The following ACSF3 variants were observed in gnomAD, a reference collection of about 807,000 sequenced individuals.
The protein encoded by ACSF3 is acyl-CoA synthetase family member 3.
A neutral mutation model predicts 53.2 loss-of-function variants in ACSF3; 78 were observed. The observed-to-expected ratio is 1.47, with a 90% CI of 1.22 to 1.77. The LOEUF (loss-of-function observed/expected upper bound fraction) is 1.77, where lower values mean the gene tolerates loss of function less well. ACSF3 is among the 40% of genes most tolerant of loss of function. The pLI is 0.00. For missense variants in ACSF3, 937 were observed against 771.1 expected, an observed-to-expected ratio of 1.22 and a Z score of -2.55; for synonymous variants, 414 against 333.1, an observed-to-expected ratio of 1.24 and a Z score of -2.65.
chr16:89,154,014 G>T, intron 10 of ACSF3, 76 bp from the exon 11 acceptor site: 1 of 1,482,544 alleles, frequency 6.7e-7, no homozygotes. Context: ...GCACCTGTCC[G>T]TACTGCTGGG....
rs552894451 is a variant in ACSF3 at position 89,100,737 on chromosome 16, G to A, written c.56G>A (p.Cys19Tyr). 9.3e-6 allele frequency: 15 copies of A among 1,605,142 alleles called. No homozygotes were observed. The African/African-American group carries it at 1.9e-4, about 20-fold the overall frequency. The change falls in exon 3 of 11, where the codon TGC (cysteine) becomes TAC (tyrosine). Residue 19 changes from cysteine to tyrosine, a missense_variant. Physicochemically the swap from Cys to Tyr is radical, Grantham distance 194. Coordinates refer to ENST00000614302, the MANE Select transcript of ACSF3 (RefSeq NM_001243279.3). ...FRRLGCALAS[C>Y]RLAPARHRGS... ...CGCCTGGGCTGCGCCTTGGCGTCCTGCCGGCTGGCGCCTGCGAGACACAGA... is the reference window on the plus strand; with the variant it reads ...CGCCTGGGCTGCGCCTTGGCGTCCTACCGGCTGGCGCCTGCGAGACACAGA...
intron 8 of ACSF3, among the ~76,000 whole-genome samples, chr16:89,139,834 C>G (rs1205105980): frequency 1.3e-5 from 2 of 152,044 alleles, no homozygotes; most frequent in Non-Finnish European, 2.9e-5. Context: ...ACCTCGTGAT[C>G]TCCCCACCTC....
chr16:89,136,816 A>G (rs1345664243), intron 8 of ACSF3: 3 of 1,286,476 alleles, frequency 2.3e-6, no homozygotes, highest in Admixed American at 4.6e-5. Context: ...GGAGATGGCA[A>G]AGGTCTGTTT....
chr16:89,145,868 C>T, intron 9 of ACSF3, 70 bp from the exon 10 acceptor site: 1 of 1,333,848 alleles, frequency 7.5e-7, no homozygotes. Context: ...TCCTGTGTGT[C>T]CAGGCACTCT....
intron 8 of ACSF3, among the ~76,000 whole-genome samples, chr16:89,137,842 A>C (rs374707648): frequency 2.6e-5 from 4 of 152,230 alleles, no homozygotes; most frequent in African/African-American, 7.2e-5. Context: ...CCACGTGCTC[A>C]TGGGCACCAC....
chr16:89,100,738 C>T lies in ACSF3; in HGVS notation c.57C>T (p.Cys19=), dbSNP rs1173665484. The T allele has an allele frequency of 3.1e-6, 5 of 1,605,186 alleles. No individual in the cohort carries two copies. Among genetic ancestry groups the T allele is most frequent in the Non-Finnish European group, 4.2e-6 (5 of 1,179,734 alleles). Residue 19 remains cysteine (C), a synonymous_variant, in exon 3 of 11, where the codon TGC becomes TGT. Coordinates refer to ENST00000614302, the MANE Select transcript of ACSF3 (RefSeq NM_001243279.3). ...GCCTGGGCTGCGCCTTGGCGTCCTG[C>T]CGGCTGGCGCCTGCGAGACACAGAG... ...FRRLGCALAS[C]RLAPARHRGS...
chr16:89,115,339 C>G (rs1488624110), intron 6 of ACSF3: 1 of 152,452 alleles, frequency 6.6e-6, no homozygotes, highest in South Asian at 2.1e-4. Context: ...CCTCCACCCC[C>G]GAGGCCTGGC....
chr16:89,140,012 C>G (rs1369697744), intron 8 of ACSF3, among the ~76,000 whole-genome samples: 1 of 152,186 alleles, frequency 6.6e-6, no homozygotes, highest in East Asian at 1.9e-4. Flanking sequence ...AGCGCTGAGC[C>G]CAGGTCAGGG....
intron 7 of ACSF3, among the ~76,000 whole-genome samples, chr16:89,130,405 C>T (rs1909039003): frequency 6.6e-6 from 1 of 152,110 alleles, no homozygotes; most frequent in Admixed American, 6.5e-5. Flanking sequence ...GAAACCCTGT[C>T]TCTACTAAAA....
intron 1 of ACSF3, among the ~76,000 whole-genome samples, 195 bp downstream of exon 1, chr16:89,094,191 G>C (rs941462112): frequency 2.6e-5 from 4 of 151,996 alleles, no homozygotes; most frequent in Non-Finnish European, 5.9e-5. Flanking sequence ...GTCCGGTGGG[G>C]AGCGGGGCCC....
intron 8 of ACSF3, among the ~76,000 whole-genome samples, chr16:89,140,223 G>C (rs759377795): frequency 1.3e-5 from 2 of 152,194 alleles, no homozygotes; most frequent in Non-Finnish European, 2.9e-5. Flanking sequence ...CTTCCCCACT[G>C]CCCCTCTGAG....
At chr16:89,095,791 A>G (rs747706915) in intron 1 of ACSF3, among the ~76,000 whole-genome samples, 9 of 152,118 alleles carry the variant, frequency 5.9e-5, no homozygotes, top group Non-Finnish European at 1.2e-4. Flanking sequence ...GGCCATTCGT[A>G]CATTCTCACG....
chr16:89,152,184 C>G (rs1374965388), intron 10 of ACSF3: 1 of 152,302 alleles, frequency 6.6e-6, no homozygotes, highest in Non-Finnish European at 1.5e-5. Context: ...CTGTTAGAAA[C>G]CGAGACGTTG....
intron 4 of ACSF3, among the ~76,000 whole-genome samples, chr16:89,107,286 C>G (rs938779761): frequency 6.6e-6 from 1 of 152,186 alleles, no homozygotes; most frequent in Non-Finnish European, 1.5e-5. Flanking sequence ...TGGATGAATT[C>G]CAAGAAAGAC....
intron 4 of ACSF3, among the ~76,000 whole-genome samples, chr16:89,108,989 T>C (rs1241755586): frequency 1.3e-5 from 2 of 151,960 alleles, no homozygotes; most frequent in Non-Finnish European, 2.9e-5. Context: ...TCCTAGCACT[T>C]TGGGAGGCCG....
At chr16:89,111,885 C>G (rs1227039278) in intron 4 of ACSF3, among the ~76,000 whole-genome samples, 1 of 152,266 alleles carries the variant, frequency 6.6e-6, no homozygotes, top group Non-Finnish European at 1.5e-5. Flanking sequence ...TTCACGATTG[C>G]TCTTCCCCTC....
At position 89,101,085 on chromosome 16, in the gene ACSF3, A is replaced by C. The variant is rs1411372849; in HGVS notation, c.404A>C (p.Glu135Ala). 6.2e-7 allele frequency: 1 copy of C among 1,614,016 alleles called. No homozygotes were observed. The highest frequency in any genetic ancestry group is 8.5e-7 in the Non-Finnish European group (1 of 1,180,002). Residue 135 changes from glutamate (E) to alanine (A), a missense_variant, in exon 3 of 11, where the codon GAG (glutamate) becomes GCG (alanine). Coordinates refer to ENST00000614302, the MANE Select transcript of ACSF3 (RefSeq NM_001243279.3). Reference protein sequence around the residue: ...LYRKHPAAQLEYVICDSQSSV... With the variant: ...LYRKHPAAQLAYVICDSQSSV... ...AGGAAGCATCCCGCGGCCCAGCTGG[A>C]GTATGTCATCTGCGACTCCCAGAGC...
intron 6 of ACSF3, 30 bp from the exon 7 acceptor site, chr16:89,120,771 C>G (rs370786228): frequency 1.2e-6 from 2 of 1,602,564 alleles, no homozygotes; most frequent in Non-Finnish European, 1.7e-6. Flanking sequence ...TCACTCCAGC[C>G]TCCCCTTCAG....
In ACSF3 at chr16:89,145,924, T is replaced by C; in HGVS notation, c.1502-14T>C. On this transcript the variant is annotated splice_polypyrimidine_tract_variant and intron_variant, in intron 9 of 10. Transcript: ENST00000614302. ...AGGCATCCCCATGTTCTCAAACTGTTCTTCTATCCGCAGATGTGGCTGTGA... is the reference window on the plus strand; with the variant it reads ...AGGCATCCCCATGTTCTCAAACTGTCCTTCTATCCGCAGATGTGGCTGTGA... 2 of 1,606,850 alleles carry C rather than the reference T, an allele frequency of 1.2e-6. No homozygotes were observed. The highest frequency in any genetic ancestry group is 1.7e-6 in the Non-Finnish European group (2 of 1,177,120).
Sources: gnomAD v4.1 joint callset for allele counts (sites outside exome capture counted in the v4.1 genomes callset) on GRCh38, gnomAD v4.1.1 for gene constraint, MANE v1.5 for transcripts, NCBI Gene and HGNC (gene_info 2026-07-23, HGNC 2026-07-21) for gene names.